Variants in XPO6 observed in about 807,000 individuals in gnomAD.
The protein encoded by XPO6 is exportin 6.
Under a neutral mutation model 130.0 loss-of-function variants are expected in XPO6, and 3 were observed. That is an observed-to-expected ratio of 0.02 (90% CI 0.01 to 0.06). The LOEUF is 0.06. Ranked by LOEUF, XPO6 falls within the 10% of genes least tolerant of loss-of-function variation. The pLI, the probability that XPO6 is intolerant of heterozygous loss-of-function variation, is 1.00. For missense variants in XPO6, 970 were observed against 1,393.0 expected (o/e 0.70, Z 4.83); for synonymous variants, 524 against 548.9 (o/e 0.95, Z 0.63).
At chr16:28,155,095 T>C (rs564836111) in intron 7 of XPO6, among the ~76,000 whole-genome samples, 1 of 152,328 alleles carries the variant, frequency 6.6e-6, no homozygotes, top group Admixed American at 6.5e-5. Flanking sequence ...AACTGCCCAA[T>C]TTAAAAAGCA....
chr16:28,103,767 A>G (rs1397256685), intron 21 of XPO6, among the ~76,000 whole-genome samples: 1 of 152,216 alleles, frequency 6.6e-6, no homozygotes, highest in East Asian at 1.9e-4. Context: ...GAACTGCCAC[A>G]CAAGAGTCAG....
chr16:28,207,750 A>C (rs1008015409), intron 1 of XPO6, among the ~76,000 whole-genome samples: 2 of 152,180 alleles, frequency 1.3e-5, no homozygotes, highest in Non-Finnish European at 2.9e-5. Context: ...CCACTTGTCA[A>C]CTAGGAATCA....
At chr16:28,171,794 T>C (rs765523457) in intron 4 of XPO6, among the ~76,000 whole-genome samples, 3 of 152,202 alleles carry the variant, frequency 2.0e-5, no homozygotes, top group Non-Finnish European at 4.4e-5. Context: ...GGACAGGAAA[T>C]TTCTCTTCAC....
intron 1 of XPO6, among the ~76,000 whole-genome samples, chr16:28,197,914 T>TAAAAA (rs56896819): frequency 8.7e-5 from 4 of 45,748 alleles, no homozygotes; most frequent in Non-Finnish European, 1.4e-4. Context: ...GAGAGACTCT[T>TAAAAA]AAAAAAAAAA....
chr16:28,175,922 G>T lies in XPO6; in HGVS notation c.381C>A (p.His127Gln), dbSNP rs775452295. 1.9e-6 allele frequency: 3 copies of T among 1,614,090 alleles called. No individual in the cohort carries two copies. The Admixed American group carries it at 5.0e-5, about 27-fold the overall frequency. The change falls in exon 4 of 24, where the codon CAC becomes CAA. Residue 127 changes from histidine to glutamine, a missense_variant. Coordinates refer to ENST00000304658, the MANE Select transcript of XPO6 (RefSeq NM_015171.4). ...CCTGTAAAATGTTAGTAAAAAAGTC[G>T]TGGTAGAACATGGGCCAATCCTGAC... ...IGRQDWPMFY[H>Q]DFFTNILQLI...
At chr16:28,155,755 C>T (rs2141825029) in intron 7 of XPO6, 2 of 291,466 alleles carry the variant, frequency 6.9e-6, no homozygotes, top group South Asian at 1.5e-4. Flanking sequence ...AGTCTCAGTC[C>T]CTGCACCACC....
chr16:28,127,541 C>T (rs1222038620), intron 12 of XPO6, among the ~76,000 whole-genome samples: 2 of 152,158 alleles, frequency 1.3e-5, no homozygotes, highest in Non-Finnish European at 2.9e-5. Context: ...TCCCAGGCAG[C>T]TTCCTTCCTC....
chr16:28,146,023 G>C, intron 9 of XPO6, 71 bp downstream of exon 9: 1 of 1,180,616 alleles, frequency 8.5e-7, no homozygotes, highest in Non-Finnish European at 1.3e-6. Context: ...CCAAATGCAT[G>C]GCTGTCTCTT....
At chr16:28,145,308 T>C (rs2042964367) in intron 9 of XPO6, among the ~76,000 whole-genome samples, 1 of 152,174 alleles carries the variant, frequency 6.6e-6, no homozygotes, top group Non-Finnish European at 1.5e-5. Context: ...TCCCCATATA[T>C]GGATGCTGCC....
chr16:28,149,229 G>A (rs543675555), intron 8 of XPO6, among the ~76,000 whole-genome samples: 273 of 152,192 alleles, frequency 1.8e-3, no homozygotes, highest in African/African-American at 6.4e-3. Flanking sequence ...CATTAAGACA[G>A]AGACATAGGT....
rs2043674797 is a variant in XPO6, at chr16:28,185,196, C to A, written c.4-4165G>T. ...ATTATTCACTTTATATTAATTTTAA[C>A]AACAACAACAAAAAAAAGCCAGGCA... On this transcript the variant is annotated intron_variant, in intron 1 of 23. Coordinates refer to ENST00000304658, the MANE Select transcript of XPO6 (RefSeq NM_015171.4). Among the ~76,000 whole-genome samples, 4 of 152,076 alleles carry A rather than the reference C, an allele frequency of 2.6e-5. No individual in the cohort carries two copies. In the South Asian group the frequency reaches 8.3e-4, roughly 32 times the overall value.
intron 6 of XPO6, 152 bp downstream of exon 6, chr16:28,166,356 A>T: frequency 1.5e-6 from 1 of 678,110 alleles, no homozygotes; most frequent in Non-Finnish European, 2.5e-6. Flanking sequence ...ATAGAGTCTC[A>T]CTATGTTGCC....
intron 8 of XPO6, 82 bp from the exon 9 acceptor site, chr16:28,146,285 C>T: frequency 9.4e-7 from 1 of 1,060,678 alleles, no homozygotes; most frequent in Non-Finnish European, 1.4e-6. Flanking sequence ...GTGTTTAATT[C>T]CAGCAGAATG....
At chr16:28,128,255 G>A (rs1272523198) in intron 12 of XPO6, among the ~76,000 whole-genome samples, 1 of 152,148 alleles carries the variant, frequency 6.6e-6, no homozygotes, top group African/African-American at 2.4e-5. Context: ...TCAGGGCTCT[G>A]TGGGAATAAA....
chr16:28,152,962 C>T (rs1306944970), intron 7 of XPO6, 177 bp from the exon 8 acceptor site: 1 of 1,294,564 alleles, frequency 7.7e-7, no homozygotes, highest in East Asian at 3.6e-5. Context: ...TTCCATTAAC[C>T]ACCTGAAACA....
chr16:28,134,007 C>T, intron 10 of XPO6, 74 bp from the exon 11 acceptor site: 2 of 1,448,678 alleles, frequency 1.4e-6, no homozygotes, highest in Non-Finnish European at 1.9e-6. Flanking sequence ...AGACCACTCT[C>T]AGACATAAAA....
At chr16:28,152,609 A>C in intron 8 of XPO6, 50 bp downstream of exon 8, 1 of 1,565,232 alleles carries the variant, frequency 6.4e-7, no homozygotes, top group Non-Finnish European at 8.6e-7. Context: ...TCAAAGTAAC[A>C]AGGTAATAAA....
chr16:28,182,403 G>A (rs1011046152), intron 1 of XPO6, among the ~76,000 whole-genome samples: 29 of 152,250 alleles, frequency 1.9e-4, no homozygotes, highest in African/African-American at 7.0e-4. Context: ...ACACACAAGT[G>A]CACTCACTAC....
At chr16:28,208,203 C>T (rs1186274804) in intron 1 of XPO6, among the ~76,000 whole-genome samples, 1 of 152,150 alleles carries the variant, frequency 6.6e-6, no homozygotes, top group East Asian at 1.9e-4. Context: ...ATCAAAGATG[C>T]TTAATAAGTG....
Sources: allele counts gnomAD v4.1 joint callset (sites outside exome capture counted in the v4.1 genomes callset), GRCh38; gene constraint gnomAD v4.1.1; transcripts MANE v1.5; gene names NCBI Gene and HGNC (gene_info 2026-07-23, HGNC 2026-07-21).